ATP2B4: variants seen among roughly 807,000 people sequenced by gnomAD.
ATP2B4 encodes plasma membrane calcium-transporting ATPase 4.
ATP2B4 carries 39 observed loss-of-function variants against 110.3 expected under a neutral mutation model. The observed-to-expected ratio is 0.35, with a 90% CI of 0.27 to 0.46. The LOEUF is 0.46. ATP2B4 is among the 20% of genes least tolerant of loss of function. ATP2B4 has a pLI of 1.00. For synonymous variants in ATP2B4, 538 were observed against 571.7 expected, an observed-to-expected ratio of 0.94 and a Z score of 0.84; for missense variants, 1,135 against 1,530.9, an observed-to-expected ratio of 0.74 and a Z score of 4.32.
intron 1 of ATP2B4, among the ~76,000 whole-genome samples, chr1:203,670,535 T>C (rs1664630284): frequency 6.6e-6 from 1 of 152,214 alleles, no homozygotes; most frequent in Admixed American, 6.5e-5. Flanking sequence ...CCTTAATTCA[T>C]AGTTAGTACT....
intron 1 of ATP2B4, among the ~76,000 whole-genome samples, chr1:203,647,970 G>A (rs370607254): frequency 4.6e-5 from 7 of 152,146 alleles, no homozygotes; most frequent in African/African-American, 1.2e-4. Flanking sequence ...ACATGAAGGT[G>A]TGAGAAGATG....
At chr1:203,642,741 TA>T (rs1663669672) in intron 1 of ATP2B4, among the ~76,000 whole-genome samples, 1 of 152,130 alleles carries the variant, frequency 6.6e-6, no homozygotes, top group Non-Finnish European at 1.5e-5. Flanking sequence ...TGGTGTTATA[TA>T]AAAGTGCAGA....
At chr1:203,648,081 TA>T (rs1170418006) in intron 1 of ATP2B4, among the ~76,000 whole-genome samples, 3 of 152,120 alleles carry the variant, frequency 2.0e-5, no homozygotes, top group Non-Finnish European at 4.4e-5. Flanking sequence ...TGGAACACCC[TA>T]AATAAAGCCC....
intron 1 of ATP2B4, among the ~76,000 whole-genome samples, chr1:203,658,776 C>T (rs1240616174): frequency 6.6e-6 from 1 of 151,938 alleles, no homozygotes; most frequent in African/African-American, 2.4e-5. Context: ...GAGGCTGAGG[C>T]GGGTGGATCA....
At chr1:203,710,747 G>T in intron 11 of ATP2B4, 130 bp from the exon 12 acceptor site, 1 of 742,098 alleles carries the variant, frequency 1.3e-6, no homozygotes, top group Non-Finnish European at 2.3e-6. Flanking sequence ...GATGAATGAA[G>T]GAAATGTTTG....
At position 203,739,722 on chromosome 1, in the gene ATP2B4, T is replaced by A. The variant is rs774460028; in HGVS notation, c.3486T>A (p.Phe1162Leu). 1 of 1,614,158 alleles carries A rather than the reference T, an allele frequency of 6.2e-7. No individual in the cohort carries two copies. The highest frequency in any genetic ancestry group is 8.5e-7 in the Non-Finnish European group (1 of 1,180,030). ...AAAATCCTGACAAGGCTTCTAAGTTTGGGACTAGGGTGCTCCTGTTGGATG... is the reference window on the plus strand; with the variant it reads ...AAAATCCTGACAAGGCTTCTAAGTTAGGGACTAGGGTGCTCCTGTTGGATG... ...EEENPDKASKFGTRVLLLDGE... is the reference protein window; with the variant it reads ...EEENPDKASKLGTRVLLLDGE... Residue 1162 changes from phenylalanine (F) to leucine (L), a missense_variant, in exon 21 of 21, where the codon TTT (phenylalanine) becomes TTA (leucine). By Grantham distance (22) the Phe-to-Leu change is conservative. Around this residue, in one of 9 missense-constraint regions of ATP2B4, gnomAD observed 92 missense variants for 82.5 expected, o/e 1.11. Transcript: ENST00000357681.
chr1:203,640,733 G>A (rs1663600295), intron 1 of ATP2B4, among the ~76,000 whole-genome samples: 1 of 152,160 alleles, frequency 6.6e-6, no homozygotes, highest in African/African-American at 2.4e-5. Flanking sequence ...AATATTCTCA[G>A]TGAACAGTGA....
intron 8 of ATP2B4, 91 bp downstream of exon 8, chr1:203,703,904 G>T (rs1413580299): frequency 2.1e-6 from 3 of 1,447,936 alleles, no homozygotes; most frequent in Middle Eastern, 2.1e-4. Flanking sequence ...ACCGAGACTG[G>T]CAGAAAGAAG....
At chr1:203,711,914 G>T in intron 12 of ATP2B4, 46 bp from the exon 13 acceptor site, 3 of 1,592,678 alleles carry the variant, frequency 1.9e-6, no homozygotes, top group Non-Finnish European at 2.6e-6. Context: ...GCTTACCAGG[G>T]TCATCACCCT....
At position 203,657,983 on chromosome 1, in the gene ATP2B4, C is replaced by T. The variant is rs114629669; in HGVS notation, c.-464-24759C>T. Among the ~76,000 whole-genome samples, 1,275 of 152,134 alleles carry T rather than the reference C, an allele frequency of 8.4e-3. 14 individuals carry two copies. Among genetic ancestry groups the T allele is most frequent in the African/African-American group, 0.029 (1,184 of 41,492 alleles). The stretch of plus-strand genomic sequence containing the variant: ...CCTCCCAAAGTGCTAGGATTACAGG[C>T]GTGAACCACGGCCGATCATTAGCAT... On this transcript the variant is annotated intron_variant, in intron 1 of 20. Coordinates refer to ENST00000357681, the MANE Select transcript of ATP2B4 (RefSeq NM_001684.5).
At chr1:203,686,344 ACTC>A (rs1665178776) in intron 2 of ATP2B4, among the ~76,000 whole-genome samples, 1 of 151,982 alleles carries the variant, frequency 6.6e-6, no homozygotes, top group Non-Finnish European at 1.5e-5. Context: ...AACCTAGAGA[ACTC>A]CTGACAGCAG....
Position 203,698,190 on chromosome 1 carries a change from G to T in ATP2B4, c.227G>T (p.Arg76Leu). 1 of 1,614,082 alleles carries T rather than the reference G, an allele frequency of 6.2e-7. No individual in the cohort carries two copies. The highest frequency in any genetic ancestry group is 8.5e-7 in the Non-Finnish European group (1 of 1,180,012). ...LSGNPADLEK[R>L]RQVFGHNVIP... ...GGGAACCCTGCAGATCTGGAGAAAC[G>T]TAGGCAGGTGTTTGGACACAACGTG... The change falls in exon 3 of 21, where the codon CGT becomes CTT. Residue 76 changes from arginine to leucine, a missense_variant. Arg to Leu is a moderately radical substitution (Grantham distance 102, BLOSUM62 -2). Transcript: ENST00000357681.
intron 20 of ATP2B4, among the ~76,000 whole-genome samples, chr1:203,729,976 A>G (rs554785854): frequency 6.6e-6 from 1 of 152,224 alleles, no homozygotes. Context: ...TTTCAAGAAG[A>G]GAAACTCCAG....
At chr1:203,702,249 T>G (rs1293613522) in intron 7 of ATP2B4, among the ~76,000 whole-genome samples, 170 bp downstream of exon 7, 2 of 152,132 alleles carry the variant, frequency 1.3e-5, no homozygotes, top group African/African-American at 2.4e-5. Context: ...GGTCTCAAGG[T>G]CCTGATCCCA....
rs1571667440 is a variant in ATP2B4 at position 203,638,625 on chromosome 1, G to GAC, written c.-465+11406_-465+11407insAC. On this transcript the variant is annotated intron_variant, in intron 1 of 20. Transcript: ENST00000357681. ...GGGTTAGTTTGAGGCAGAGGTGGGGGTACAGCCTAGTTCTCCCCACTCCAA... is the reference window on the plus strand; with the variant it reads ...GGGTTAGTTTGAGGCAGAGGTGGGGGACTACAGCCTAGTTCTCCCCACTCCAA... Among the ~76,000 whole-genome samples the GAC allele has an allele frequency of 4.6e-5, 7 of 152,168 alleles. No homozygotes were observed. The East Asian group carries it at 9.7e-4, about 21-fold the overall frequency.
chr1:203,712,579 A>C (rs930015999), intron 13 of ATP2B4, among the ~76,000 whole-genome samples: 1 of 151,724 alleles, frequency 6.6e-6, no homozygotes, highest in African/African-American at 2.4e-5. Context: ...CAACAGAGCA[A>C]GACTCCGTCT....
intron 1 of ATP2B4, among the ~76,000 whole-genome samples, chr1:203,654,261 G>T (rs1317258292): frequency 6.6e-6 from 1 of 152,046 alleles, no homozygotes; most frequent in Non-Finnish European, 1.5e-5. Context: ...TGGGATTACA[G>T]GTGTGAGCCA....
intron 1 of ATP2B4, among the ~76,000 whole-genome samples, chr1:203,653,485 T>C (rs188773980): frequency 6.6e-6 from 1 of 152,320 alleles, no homozygotes; most frequent in East Asian, 1.9e-4. Context: ...AAAGATGCCA[T>C]CTACGACTTT....
intron 2 of ATP2B4, among the ~76,000 whole-genome samples, chr1:203,692,612 C>A (rs900615853): frequency 5.9e-5 from 9 of 152,218 alleles, no homozygotes; most frequent in Non-Finnish European, 8.8e-5. Flanking sequence ...ATTCTGCTGC[C>A]TCCTTTGGCA....
Sources: gnomAD v4.1 joint callset for allele counts (sites outside exome capture counted in the v4.1 genomes callset) on GRCh38, gnomAD v4.1.1 for gene constraint, gnomAD v4.1.1 regional missense constraint, MANE v1.5 for transcripts, NCBI Gene and HGNC (gene_info 2026-07-23, HGNC 2026-07-21) for gene names.